ZBTB20: variants seen among roughly 807,000 people sequenced by gnomAD.
ZBTB20 encodes the protein zinc finger and BTB domain-containing protein 20.
In ZBTB20, 9 loss-of-function variants were observed where a neutral mutation model predicts 56.9. The observed-to-expected ratio is 0.16, with a 90% confidence interval of 0.10 to 0.28. The LOEUF is 0.28. ZBTB20 is among the 10% of genes least tolerant of loss of function. The pLI, the probability that ZBTB20 is intolerant of heterozygous loss-of-function variation, is 1.00. For synonymous variants in ZBTB20, 417 were observed against 420.7 expected (o/e 0.99, Z 0.11); for missense variants, 655 against 1,003.0 (o/e 0.65, Z 4.69).
rs2079130497 is a variant in ZBTB20 at position 114,328,466 on chromosome 3, A to G, written c.*10539T>C. 1 of 152,070 alleles carries G rather than the reference A, an allele frequency of 6.6e-6. No individual in the cohort carries two copies. The highest frequency in any genetic ancestry group is 2.1e-4 in the South Asian group (1 of 4,826). The allele number at this position is 152,070 out of a possible 1,614,324, so 9.4% of individuals were successfully genotyped here. On this transcript the variant is annotated 3_prime_UTR_variant, in exon 12 of 12. Transcript: ENST00000675478. ...ATTCTTTTTTTCTCCGTCAAAAGTG[A>G]TTTACTCATATGAAGAACCTGAACA...
intron 7 of ZBTB20, among the ~76,000 whole-genome samples, chr3:114,439,034 G>T (rs1035600292): frequency 2.6e-5 from 4 of 152,088 alleles, no homozygotes; most frequent in African/African-American, 9.7e-5. Context: ...GAAAATCCTG[G>T]GGTCTGCCAA....
At chr3:115,110,986 T>C (rs1268585817) in intron 1 of ZBTB20, among the ~76,000 whole-genome samples, 1 of 145,148 alleles carries the variant, frequency 6.9e-6, no homozygotes, top group Non-Finnish European at 1.5e-5. Context: ...TGAGACTCCA[T>C]CTCAAAAAAA....
intron 5 of ZBTB20, among the ~76,000 whole-genome samples, chr3:114,763,374 G>T (rs1189677310): frequency 6.6e-6 from 1 of 152,090 alleles, no homozygotes; most frequent in Non-Finnish European, 1.5e-5. Flanking sequence ...CTTGCTATGA[G>T]ATTTGCTACA....
At chr3:114,431,566 GACAC>G (rs2090125149) in intron 7 of ZBTB20, among the ~76,000 whole-genome samples, 1 of 151,982 alleles carries the variant, frequency 6.6e-6, no homozygotes, top group African/African-American at 2.4e-5. Flanking sequence ...GTCTTTCATT[GACAC>G]TTGATAATCA....
At chr3:114,960,343 A>C (rs891865446) in intron 3 of ZBTB20, among the ~76,000 whole-genome samples, 1 of 152,242 alleles carries the variant, frequency 6.6e-6, no homozygotes, top group Non-Finnish European at 1.5e-5. Context: ...TGGAATTCAA[A>C]GTGTCAACTG....
intron 7 of ZBTB20, among the ~76,000 whole-genome samples, chr3:114,427,035 G>C (rs2089735654): frequency 6.6e-6 from 1 of 152,152 alleles, no homozygotes; most frequent in Non-Finnish European, 1.5e-5. Flanking sequence ...CTATGCACAT[G>C]ATAGGTATCA....
rs2073152729 is a variant in ZBTB20 at position 114,820,057 on chromosome 3, G to A, written c.-416-18883C>T. Reference sequence around the variant, plus strand: ...AAAAGCACTTTTACATACAATTGGAGAAGAATTCTCAAAGGAACCTTGAGA... The same window carrying A: ...AAAAGCACTTTTACATACAATTGGAAAAGAATTCTCAAAGGAACCTTGAGA... On this transcript the variant is annotated intron_variant, in intron 4 of 11. Coordinates refer to ENST00000675478, the MANE Select transcript of ZBTB20 (RefSeq NM_001348800.3). 3.3e-5 allele frequency among the ~76,000 whole-genome samples: 5 copies of A among 152,000 alleles called. No individual in the cohort carries two copies. The South Asian group carries it at 1.0e-3, about 31-fold the overall frequency.
intron 4 of ZBTB20, among the ~76,000 whole-genome samples, chr3:114,838,585 G>A (rs1244244224): frequency 1.3e-5 from 2 of 152,072 alleles, no homozygotes; most frequent in Non-Finnish European, 2.9e-5. Flanking sequence ...AAGAAGACAG[G>A]GCACTGAACC....
At chr3:114,365,509 GGGGGT>G (rs1265505302) in intron 10 of ZBTB20, among the ~76,000 whole-genome samples, 18 of 152,300 alleles carry the variant, frequency 1.2e-4, no homozygotes, top group Admixed American at 3.3e-4. Flanking sequence ...ACAGTGTGTA[GGGGGT>G]GGATTTCTCA....
At chr3:115,020,661 C>T (rs2080167003) in intron 2 of ZBTB20, among the ~76,000 whole-genome samples, 1 of 150,880 alleles carries the variant, frequency 6.6e-6, no homozygotes, top group Non-Finnish European at 1.5e-5. Flanking sequence ...ATTATAGTCT[C>T]TCCCCTGCCT....
chr3:114,361,984 C>A (rs1193829116), intron 10 of ZBTB20, among the ~76,000 whole-genome samples: 2 of 152,166 alleles, frequency 1.3e-5, no homozygotes, highest in Non-Finnish European at 2.9e-5. Context: ...GGTGGTCAAG[C>A]AATGTCAATG....
rs376407437 is a variant in ZBTB20 at position 114,410,849 on chromosome 3, C to T, written c.-254-21744G>A. 3.6e-3 allele frequency among the ~76,000 whole-genome samples: 541 copies of T among 152,170 alleles called. 5 individuals are homozygous for T. Among genetic ancestry groups the T allele is most frequent in the African/African-American group, 0.013 (523 of 41,510 alleles). ...AGAGGAAGGGCTCCATTTTGAGCCGCCCATTTTCTGGAGGAGAGGTGGTGG... is the reference window on the plus strand; with the variant it reads ...AGAGGAAGGGCTCCATTTTGAGCCGTCCATTTTCTGGAGGAGAGGTGGTGG... On this transcript the variant is annotated intron_variant, in intron 7 of 11. Coordinates refer to ENST00000675478, the MANE Select transcript of ZBTB20 (RefSeq NM_001348800.3).
At chr3:114,449,556 CAACAAAACAA>C (rs547928397) in intron 7 of ZBTB20, among the ~76,000 whole-genome samples, 18 of 151,304 alleles carry the variant, frequency 1.2e-4, no homozygotes, top group African/African-American at 4.1e-4. Flanking sequence ...GCGATGACAA[CAACAAAACAA>C]AACAAAACAA....
chr3:114,485,217 T>C (rs1337193649), intron 7 of ZBTB20, among the ~76,000 whole-genome samples: 1 of 152,188 alleles, frequency 6.6e-6, no homozygotes, highest in East Asian at 1.9e-4. Context: ...GACCAAGTTA[T>C]TTTTACAAAA....
At chr3:114,962,255 A>G (rs1165962288) in intron 3 of ZBTB20, among the ~76,000 whole-genome samples, 1 of 152,148 alleles carries the variant, frequency 6.6e-6, no homozygotes, top group African/African-American at 2.4e-5. Flanking sequence ...AGCCTAGTAT[A>G]TTAAACCTAA....
At chr3:115,140,440 A>G (rs988430894) in intron 1 of ZBTB20, among the ~76,000 whole-genome samples, 1 of 152,122 alleles carries the variant, frequency 6.6e-6, no homozygotes, top group Non-Finnish European at 1.5e-5. Flanking sequence ...AACTACAAAC[A>G]AAATTTATGC....
chr3:114,725,331 C>T (rs1463448448), intron 5 of ZBTB20, among the ~76,000 whole-genome samples: 1 of 152,214 alleles, frequency 6.6e-6, no homozygotes, highest in African/African-American at 2.4e-5. Flanking sequence ...TTCATCACTA[C>T]TGGGTACATG....
chr3:114,668,932 C>T (rs189991915), intron 6 of ZBTB20, among the ~76,000 whole-genome samples: 7 of 152,086 alleles, frequency 4.6e-5, no homozygotes, highest in South Asian at 4.1e-4. Context: ...TTCTTCAGAT[C>T]GGATCAGATT....
At chr3:114,479,472 A>C (rs1349175088) in intron 7 of ZBTB20, among the ~76,000 whole-genome samples, 1 of 152,168 alleles carries the variant, frequency 6.6e-6, no homozygotes, top group Non-Finnish European at 1.5e-5. Flanking sequence ...GAGTGTAGAC[A>C]CACATGTGGG....
Sources: gnomAD v4.1 joint callset for allele counts (sites outside exome capture counted in the v4.1 genomes callset) on GRCh38, gnomAD v4.1.1 for gene constraint, MANE v1.5 for transcripts, NCBI Gene and HGNC (gene_info 2026-07-23, HGNC 2026-07-21) for gene names.